MYO3B: variants seen among roughly 807,000 people sequenced by gnomAD.
The protein encoded by MYO3B is myosin IIIB, also known as myosin-IIIb.
MYO3B carries 156 observed loss-of-function variants against 174.6 expected under a neutral mutation model. The ratio of observed to expected loss-of-function variants is 0.89; its 90% CI spans 0.78 to 1.02. The LOEUF (loss-of-function observed/expected upper bound fraction) is 1.02, where lower values mean the gene tolerates loss of function less well. Among genes scored for constraint, MYO3B ranks in the 50% least tolerant of loss-of-function variants. The pLI, the probability that MYO3B is intolerant of heterozygous loss-of-function variation, is 0.00. For missense variants in MYO3B, 1,632 were observed against 1,639.4 expected (o/e 1.00, Z 0.08); for synonymous variants, 563 against 569.1 (o/e 0.99, Z 0.15).
At chr2:170,544,785 G>A (rs11892133) in intron 32 of MYO3B, among the ~76,000 whole-genome samples, 2 of 151,962 alleles carry the variant, frequency 1.3e-5, no homozygotes, top group Non-Finnish European at 2.9e-5. Flanking sequence ...AGAGACAAGA[G>A]GATGGGTCCA....
intron 7 of MYO3B, among the ~76,000 whole-genome samples, chr2:170,278,663 A>G (rs1294530566): frequency 6.6e-6 from 1 of 152,070 alleles, no homozygotes; most frequent in Non-Finnish European, 1.5e-5. Context: ...AATTGTCACT[A>G]AATTTAGTAA....
intron 22 of MYO3B, among the ~76,000 whole-genome samples, chr2:170,421,000 A>G (rs571840787): frequency 6.6e-6 from 1 of 152,236 alleles, no homozygotes; most frequent in South Asian, 2.1e-4. Flanking sequence ...ACTAGAATGT[A>G]AATTCCATTA....
intron 1 of MYO3B, among the ~76,000 whole-genome samples, chr2:170,179,030 A>T (rs990424171): frequency 6.6e-6 from 1 of 152,142 alleles, no homozygotes; most frequent in African/African-American, 2.4e-5. Flanking sequence ...ATCAACCTAG[A>T]GATCATTGGA....
chr2:170,493,833 C>T (rs574206268), intron 25 of MYO3B, among the ~76,000 whole-genome samples: 2 of 152,160 alleles, frequency 1.3e-5, no homozygotes, highest in Non-Finnish European at 1.5e-5. Context: ...GAGAGGCCCA[C>T]GTGGCAAGGA....
chr2:170,562,127 A>G (rs1691749518), intron 32 of MYO3B, among the ~76,000 whole-genome samples: 1 of 152,188 alleles, frequency 6.6e-6, no homozygotes, highest in Non-Finnish European at 1.5e-5. Flanking sequence ...TTAGAACATG[A>G]AGATTGGGAT....
At chr2:170,268,134 C>T (rs1357740717) in intron 7 of MYO3B, among the ~76,000 whole-genome samples, 2 of 152,082 alleles carry the variant, frequency 1.3e-5, no homozygotes, top group Admixed American at 6.5e-5. Context: ...CACTTGAACC[C>T]GGGAGGCAGA....
At chr2:170,276,993 T>C (rs2093468177) in intron 7 of MYO3B, among the ~76,000 whole-genome samples, 2 of 152,250 alleles carry the variant, frequency 1.3e-5, no homozygotes, top group Middle Eastern at 6.8e-3. Flanking sequence ...AACCAGCTGG[T>C]CAGGCAGGCA....
Position 170,217,469 on chromosome 2 carries a change from C to A in MYO3B, c.603+74C>A. 1 of 1,286,410 alleles carries A rather than the reference C, an allele frequency of 7.8e-7. No individual in the cohort carries two copies. Among genetic ancestry groups the A allele is most frequent in the Non-Finnish European group, 1.1e-6 (1 of 882,194 alleles). 79.7% of individuals were successfully genotyped at this position (1,286,410 alleles called of 1,614,324 possible). A position where few individuals can be genotyped will look rare whatever the true frequency, so the allele number is the denominator to read the frequency against. ...GTACTATGCCTTTTTATGGGTAAGT[C>A]ATATGCTTTGCAGAATTTTTAGGGA... On this transcript the variant is annotated intron_variant, in intron 6 of 34. Coordinates refer to ENST00000408978, the MANE Select transcript of MYO3B (RefSeq NM_138995.5).
chr2:170,649,867 A>AAAAC (rs1698869662), intron 32 of MYO3B: 1 of 150,066 alleles, frequency 6.7e-6, no homozygotes, highest in Non-Finnish European at 1.5e-5. Flanking sequence ...AAAAAAAAAA[A>AAAAC]AAAACAAAAC....
intron 8 of MYO3B, among the ~76,000 whole-genome samples, chr2:170,356,678 A>G (rs1446332126): frequency 6.6e-6 from 1 of 152,108 alleles, no homozygotes; most frequent in East Asian, 1.9e-4. Context: ...AGCCATTTCT[A>G]TGAAAACCCT....
At chr2:170,200,731 T>C (rs979061183) in intron 3 of MYO3B, among the ~76,000 whole-genome samples, 1 of 152,124 alleles carries the variant, frequency 6.6e-6, no homozygotes, top group Non-Finnish European at 1.5e-5. Flanking sequence ...TATGGAAAGT[T>C]TGTTGCAGAG....
chr2:170,525,173 G>T lies in MYO3B; in HGVS notation c.3575+5633G>T, dbSNP rs115424633. Among the ~76,000 whole-genome samples the T allele has an allele frequency of 2.0e-5, 3 of 152,208 alleles. No homozygotes were observed. In the East Asian group the frequency reaches 5.8e-4, roughly 29 times the overall value. On this transcript the variant is annotated intron_variant, in intron 30 of 34. Transcript: ENST00000408978. ...AGAAAGCCTAAAGCCTCATGGGAAA[G>T]GTGCTCCCATCTGTGCATGATGGGA...
At chr2:170,459,782 G>A (rs948114024) in intron 23 of MYO3B, among the ~76,000 whole-genome samples, 2 of 152,166 alleles carry the variant, frequency 1.3e-5, no homozygotes, top group Non-Finnish European at 2.9e-5. Flanking sequence ...CCTGCCCCAC[G>A]GGGAAGTGGC....
intron 7 of MYO3B, among the ~76,000 whole-genome samples, chr2:170,272,478 A>G (rs1462025279): frequency 2.0e-5 from 3 of 152,142 alleles, no homozygotes; most frequent in African/African-American, 4.8e-5. Context: ...GGAATACTCA[A>G]CACTCTAAAG....
In MYO3B at chr2:170,519,494, C is replaced by T. The variant is rs184828372; in HGVS notation, c.3529C>T (p.Arg1177Cys). Residue 1177 changes from arginine to cysteine, a missense_variant, in exon 30 of 35, where the codon CGT (arginine) becomes TGT (cysteine). Physicochemically the swap from Arg to Cys is radical, Grantham distance 180 (BLOSUM62 -3). Coordinates refer to ENST00000408978, the MANE Select transcript of MYO3B (RefSeq NM_138995.5). ...TTCACAAGCAGAATCCAACAATGGCCGTACACAGACTTCAAGCAACTCTCC... is the reference window on the plus strand; with the variant it reads ...TTCACAAGCAGAATCCAACAATGGCTGTACACAGACTTCAAGCAACTCTCC... ...SHSQAESNNGRTQTSSNSPAV... is the reference protein window; with the variant it reads ...SHSQAESNNGCTQTSSNSPAV... The T allele has an allele frequency of 5.6e-6, 9 of 1,613,874 alleles. No homozygotes were observed. In the East Asian group the frequency reaches 8.9e-5, roughly 16 times the overall value.
intron 7 of MYO3B, among the ~76,000 whole-genome samples, chr2:170,267,297 A>C (rs1235799977): frequency 6.6e-6 from 1 of 152,300 alleles, no homozygotes; most frequent in South Asian, 2.1e-4. Flanking sequence ...AGACACAGGT[A>C]GAAAGAATAT....
intron 22 of MYO3B, 114 bp downstream of exon 22, chr2:170,407,958 T>A: frequency 8.2e-7 from 1 of 1,219,470 alleles, no homozygotes; most frequent in Non-Finnish European, 1.2e-6. Context: ...TGAACTTCTT[T>A]AAGCAGGAGT....
chr2:170,398,488 C>T (rs977294791), intron 16 of MYO3B, among the ~76,000 whole-genome samples: 2 of 152,018 alleles, frequency 1.3e-5, no homozygotes, highest in East Asian at 1.9e-4. Flanking sequence ...CCTCTCTGCT[C>T]CCCAGAGATT....
chr2:170,556,760 G>A lies in MYO3B; in HGVS notation c.3733+12772G>A, dbSNP rs181363021. Among the ~76,000 whole-genome samples the A allele has an allele frequency of 1.5e-3, 228 of 152,306 alleles. 3 individuals carry two copies. Among genetic ancestry groups the A allele is most frequent in the African/African-American group, 5.0e-3 (208 of 41,580 alleles). On this transcript the variant is annotated intron_variant, in intron 32 of 34. Coordinates refer to ENST00000408978, the MANE Select transcript of MYO3B (RefSeq NM_138995.5). ...TGGTCTCGAACTCCTGACCTCAGGT[G>A]CTCCACCTGCCTTGGCCTCCCAAAG...
Sources: allele counts gnomAD v4.1 joint callset (sites outside exome capture counted in the v4.1 genomes callset), GRCh38; gene constraint gnomAD v4.1.1; transcripts MANE v1.5; gene names NCBI Gene and HGNC (gene_info 2026-07-23, HGNC 2026-07-21).